The following PIBF1 variants were observed in gnomAD, a reference collection of about 807,000 sequenced individuals.
PIBF1 encodes progesterone-induced-blocking factor 1.
Under a neutral mutation model 112.5 loss-of-function variants are expected in PIBF1, and 90 were observed. The observed-to-expected ratio is 0.80, with a 90% CI of 0.67 to 0.95. PIBF1 has a LOEUF of 0.95. Ranked by LOEUF, PIBF1 falls within the 40% of genes least tolerant of loss-of-function variation. The pLI, the probability that PIBF1 is intolerant of heterozygous loss-of-function variation, is 0.00. For synonymous variants in PIBF1, 301 were observed against 288.6 expected, an observed-to-expected ratio of 1.04 and a Z score of -0.44; for missense variants, 915 against 852.3, an observed-to-expected ratio of 1.07 and a Z score of -0.92.
chr13:72,907,803 G>T (rs2040753590), intron 11 of PIBF1, among the ~76,000 whole-genome samples: 1 of 151,862 alleles, frequency 6.6e-6, no homozygotes, highest in African/African-American at 2.4e-5. Flanking sequence ...TGGAATTTAA[G>T]CATTAAAACA....
intron 14 of PIBF1, among the ~76,000 whole-genome samples, chr13:72,964,336 G>A (rs916931401): frequency 6.6e-6 from 1 of 152,086 alleles, no homozygotes; most frequent in African/African-American, 2.4e-5. Context: ...GGAGGGAGGA[G>A]AAAATGGGGA....
chr13:72,927,976 T>TATATAC (rs2041557935), intron 13 of PIBF1, among the ~76,000 whole-genome samples: 3 of 81,098 alleles, frequency 3.7e-5, no homozygotes, highest in African/African-American at 1.2e-4. Context: ...TATATATATA[T>TATATAC]ACATATATAT....
At chr13:72,810,796 T>G (rs1051894878) in intron 5 of PIBF1, among the ~76,000 whole-genome samples, 1 of 152,160 alleles carries the variant, frequency 6.6e-6, no homozygotes, top group Non-Finnish European at 1.5e-5. Flanking sequence ...TTGCTTAAAA[T>G]TTAGATTCAT....
intron 5 of PIBF1, among the ~76,000 whole-genome samples, chr13:72,799,968 G>A (rs898422765): frequency 1.3e-5 from 2 of 152,180 alleles, no homozygotes; most frequent in Non-Finnish European, 2.9e-5. Context: ...CCTGGTACAG[G>A]TCAACTTGCC....
chr13:72,889,357 C>T (rs2039973413), intron 10 of PIBF1, among the ~76,000 whole-genome samples: 1 of 152,100 alleles, frequency 6.6e-6, no homozygotes. Context: ...GAAAGTTTGT[C>T]AACCTCTGCC....
intron 14 of PIBF1, among the ~76,000 whole-genome samples, chr13:72,957,627 T>C (rs2042483695): frequency 6.6e-6 from 1 of 152,062 alleles, no homozygotes; most frequent in African/African-American, 2.4e-5. Flanking sequence ...CTTAATCATG[T>C]AACCAAATAC....
At chr13:72,816,760 A>C (rs1219412683) in intron 5 of PIBF1, among the ~76,000 whole-genome samples, 4 of 151,586 alleles carry the variant, frequency 2.6e-5, no homozygotes, top group Non-Finnish European at 5.9e-5. Flanking sequence ...ATAATTGAAA[A>C]TTTAGCATGT....
intron 4 of PIBF1, among the ~76,000 whole-genome samples, chr13:72,796,911 G>A (rs1303842908): frequency 6.6e-6 from 1 of 151,974 alleles, no homozygotes; most frequent in Non-Finnish European, 1.5e-5. Flanking sequence ...ATTAAGATTT[G>A]CCTCTTACCA....
chr13:73,001,510 C>A (rs2043864611), intron 17 of PIBF1, among the ~76,000 whole-genome samples: 2 of 131,494 alleles, frequency 1.5e-5, no homozygotes, highest in African/African-American at 5.7e-5. Context: ...GCGAGCCACA[C>A]AAAACTACTG....
At chr13:72,862,162 G>A (rs985761156) in intron 10 of PIBF1, among the ~76,000 whole-genome samples, 12 of 152,178 alleles carry the variant, frequency 7.9e-5, no homozygotes, top group Non-Finnish European at 1.6e-4. Flanking sequence ...TAAGGAATCT[G>A]CAATTTAGAA....
At chr13:72,952,736 T>C (rs1395344216) in intron 14 of PIBF1, among the ~76,000 whole-genome samples, 1 of 151,862 alleles carries the variant, frequency 6.6e-6, no homozygotes, top group African/African-American at 2.4e-5. Context: ...TCTGAGTTCC[T>C]TAGTTGTAGA....
At chr13:72,975,506 G>C (rs758807515) in intron 16 of PIBF1, among the ~76,000 whole-genome samples, 1 of 152,148 alleles carries the variant, frequency 6.6e-6, no homozygotes, top group Non-Finnish European at 1.5e-5. Flanking sequence ...TCAAAGGTAC[G>C]TATCCTAGAG....
intron 9 of PIBF1, among the ~76,000 whole-genome samples, chr13:72,848,400 T>C (rs1384508288): frequency 6.6e-6 from 1 of 152,216 alleles, no homozygotes; most frequent in East Asian, 1.9e-4. Flanking sequence ...ACGAATGTTT[T>C]ATAATGAGGT....
intron 11 of PIBF1, among the ~76,000 whole-genome samples, chr13:72,900,170 C>G (rs80102195): frequency 0.028 from 4,215 of 152,100 alleles, 186 homozygotes; most frequent in African/African-American, 0.097. Flanking sequence ...TGAAAATGAC[C>G]ATACTGCCAA....
At chr13:72,976,097 G>A (rs1198968961) in intron 16 of PIBF1, among the ~76,000 whole-genome samples, 1 of 152,082 alleles carries the variant, frequency 6.6e-6, no homozygotes, top group Non-Finnish European at 1.5e-5. Context: ...GTTTAAGCAT[G>A]CAAATTAAAT....
At chr13:72,940,764 G>A (rs2041989821) in intron 14 of PIBF1, among the ~76,000 whole-genome samples, 1 of 152,160 alleles carries the variant, frequency 6.6e-6, no homozygotes, top group Admixed American at 6.6e-5. Flanking sequence ...AACTCTTTGA[G>A]TATTCCATGT....
intron 2 of PIBF1, among the ~76,000 whole-genome samples, chr13:72,787,736 A>G (rs2034679909): frequency 6.6e-6 from 1 of 152,034 alleles, no homozygotes; most frequent in African/African-American, 2.4e-5. Context: ...TCAGCTCACT[A>G]CAACCTTCAC....
At chr13:72,834,096 G>A (rs771441296) in intron 8 of PIBF1, among the ~76,000 whole-genome samples, 1 of 152,118 alleles carries the variant, frequency 6.6e-6, no homozygotes, top group Non-Finnish European at 1.5e-5. Flanking sequence ...AAGAAAGTAT[G>A]AAAGTATCTC....
chr13:72,976,623 A>T (rs755398607), intron 16 of PIBF1, among the ~76,000 whole-genome samples: 1 of 152,236 alleles, frequency 6.6e-6, no homozygotes, highest in Admixed American at 6.5e-5. Flanking sequence ...AAACAAATCT[A>T]ATGTTATTAA....
Sources: gnomAD v4.1 joint callset for allele counts (sites outside exome capture counted in the v4.1 genomes callset) on GRCh38, gnomAD v4.1.1 for gene constraint, MANE v1.5 for transcripts, NCBI Gene and HGNC (gene_info 2026-07-23, HGNC 2026-07-21) for gene names.